The following PDE7B variants were observed in gnomAD, a reference collection of about 807,000 sequenced individuals.
PDE7B encodes the protein 3',5'-cyclic-AMP phosphodiesterase 7B.
PDE7B carries 29 observed loss-of-function variants against 56.2 expected under a neutral mutation model. That is an observed-to-expected ratio of 0.52 (90% CI 0.38 to 0.70). PDE7B has a LOEUF of 0.70. Ranked by LOEUF, PDE7B falls within the 30% of genes least tolerant of loss-of-function variation. The probability of loss-of-function intolerance (pLI) is 0.00; values close to 1 mark genes in which losing one functional copy is unlikely to be tolerated. For synonymous variants in PDE7B, 197 were observed against 196.9 expected (o/e 1.00, Z 0.00); for missense variants, 490 against 565.0 (o/e 0.87, Z 1.35).
intron 3 of PDE7B, among the ~76,000 whole-genome samples, chr6:136,135,079 CTCT>C (rs776959966): frequency 3.9e-5 from 6 of 152,090 alleles, no homozygotes; most frequent in Non-Finnish European, 5.9e-5. Flanking sequence ...TGAAACAAAG[CTCT>C]TCTTCTAGTG....
chr6:135,885,774 AC>A lies in PDE7B; in HGVS notation c.21+33757del, dbSNP rs1255233729. On this transcript the variant is annotated intron_variant, in intron 1 of 12. Coordinates refer to ENST00000308191, the MANE Select transcript of PDE7B (RefSeq NM_018945.4). ...TCATATGTGATGACTAGAAGAAAGA[AC>A]CTACATACCTTGCACATTGTGATAG... Among the ~76,000 whole-genome samples, 4 of 152,276 alleles carry A rather than the reference AC, an allele frequency of 2.6e-5. No individual in the cohort carries two copies. The East Asian group carries it at 7.7e-4, about 29-fold the overall frequency.
At chr6:135,932,495 T>C (rs1325261757) in intron 1 of PDE7B, among the ~76,000 whole-genome samples, 1 of 152,092 alleles carries the variant, frequency 6.6e-6, no homozygotes, top group Non-Finnish European at 1.5e-5. Flanking sequence ...AGCTAGACCT[T>C]GAATAATAGG....
intron 2 of PDE7B, among the ~76,000 whole-genome samples, chr6:136,106,319 C>T (rs1037472334): frequency 2.6e-5 from 4 of 152,120 alleles, no homozygotes; most frequent in Non-Finnish European, 5.9e-5. Context: ...AAAACTACAA[C>T]TACTTTTATG....
intron 5 of PDE7B, 112 bp from the exon 6 acceptor site, chr6:136,151,047 GA>G (rs35539959): frequency 1.3e-5 from 8 of 608,006 alleles, no homozygotes; most frequent in Non-Finnish European, 2.3e-5. Context: ...TTCTAAAGGG[GA>G]AAAAATATTC....
chr6:135,956,006 G>T (rs1774786200), intron 2 of PDE7B, among the ~76,000 whole-genome samples: 1 of 152,112 alleles, frequency 6.6e-6, no homozygotes, highest in Admixed American at 6.6e-5. Flanking sequence ...AGTGGCGGTG[G>T]CGACATAACA....
At chr6:136,149,842 A>G (rs995932975) in intron 5 of PDE7B, among the ~76,000 whole-genome samples, 2 of 152,192 alleles carry the variant, frequency 1.3e-5, no homozygotes, top group Non-Finnish European at 2.9e-5. Flanking sequence ...GTCATTATAT[A>G]TGGTTTTCTC....
chr6:136,025,434 A>G (rs910297226), intron 2 of PDE7B, among the ~76,000 whole-genome samples: 2 of 152,200 alleles, frequency 1.3e-5, no homozygotes, highest in Admixed American at 6.5e-5. Flanking sequence ...CTACTATTAG[A>G]TACTTATTCA....
At chr6:136,048,597 G>A (rs1338093922) in intron 2 of PDE7B, among the ~76,000 whole-genome samples, 3 of 152,160 alleles carry the variant, frequency 2.0e-5, no homozygotes, top group African/African-American at 7.2e-5. Context: ...GGGTCAGGTT[G>A]CCATTGGCCT....
intron 2 of PDE7B, among the ~76,000 whole-genome samples, chr6:136,078,081 G>A (rs1247689556): frequency 6.6e-6 from 1 of 152,124 alleles, no homozygotes; most frequent in Non-Finnish European, 1.5e-5. Context: ...GTGATAAATC[G>A]AGGAAAGAAA....
chr6:135,941,096 G>A (rs955421732), intron 1 of PDE7B, among the ~76,000 whole-genome samples: 1 of 152,150 alleles, frequency 6.6e-6, no homozygotes, highest in African/African-American at 2.4e-5. Context: ...GTGAGGGTGG[G>A]GGTGAAAGCA....
At chr6:135,974,961 G>A (rs1042208606) in intron 2 of PDE7B, among the ~76,000 whole-genome samples, 3 of 151,974 alleles carry the variant, frequency 2.0e-5, no homozygotes, top group East Asian at 1.9e-4. Flanking sequence ...ATGCCTCCAG[G>A]AGCCAAAAGG....
At chr6:135,996,966 T>C (rs773772577) in intron 2 of PDE7B, among the ~76,000 whole-genome samples, 1 of 152,200 alleles carries the variant, frequency 6.6e-6, no homozygotes, top group Non-Finnish European at 1.5e-5. Flanking sequence ...AACTGTTAAA[T>C]CTGATAAGAA....
At chr6:136,175,754 C>T (rs1328703272) in intron 9 of PDE7B, among the ~76,000 whole-genome samples, 1 of 152,028 alleles carries the variant, frequency 6.6e-6, no homozygotes, top group East Asian at 1.9e-4. Flanking sequence ...TTCCAATATC[C>T]CAAACTTTGA....
chr6:136,001,439 CT>C (rs1455741305), intron 2 of PDE7B, among the ~76,000 whole-genome samples: 3 of 152,062 alleles, frequency 2.0e-5, no homozygotes, highest in African/African-American at 7.2e-5. Context: ...GGCAAAGAAG[CT>C]GAAAACTTTG....
At chr6:136,167,113 G>C (rs1778806530) in intron 8 of PDE7B, among the ~76,000 whole-genome samples, 1 of 152,070 alleles carries the variant, frequency 6.6e-6, no homozygotes. Context: ...TCAAGCTTTT[G>C]CTCAAATCTC....
intron 3 of PDE7B, among the ~76,000 whole-genome samples, chr6:136,114,278 A>T (rs1777796520): frequency 6.6e-6 from 1 of 152,210 alleles, no homozygotes; most frequent in Non-Finnish European, 1.5e-5. Context: ...AATGGAACCA[A>T]TATATACAAA....
intron 8 of PDE7B, chr6:136,156,185 G>A: frequency 3.0e-6 from 1 of 334,270 alleles, no homozygotes; most frequent in Non-Finnish European, 5.8e-6. Flanking sequence ...GTGTGTGTGT[G>A]TGTGTGTGTG....
chr6:135,922,271 T>A (rs1160961437), intron 1 of PDE7B, among the ~76,000 whole-genome samples: 2 of 152,160 alleles, frequency 1.3e-5, no homozygotes, highest in Non-Finnish European at 2.9e-5. Flanking sequence ...TACACCCATG[T>A]ATCAAATGGC....
chr6:136,149,179 A>G, intron 5 of PDE7B, 29 bp downstream of exon 5: 1 of 1,403,852 alleles, frequency 7.1e-7, no homozygotes, highest in Non-Finnish European at 1.0e-6. Context: ...TTCTCACTAA[A>G]ATATACACCA....
Sources: gnomAD v4.1 joint callset for allele counts (sites outside exome capture counted in the v4.1 genomes callset) on GRCh38, gnomAD v4.1.1 for gene constraint, MANE v1.5 for transcripts, NCBI Gene and HGNC (gene_info 2026-07-23, HGNC 2026-07-21) for gene names.